The following AHCYL2 variants were observed in gnomAD, a reference collection of about 807,000 sequenced individuals.
AHCYL2 encodes the protein adenosylhomocysteinase like 2, also known as S-adenosylhomocysteine hydrolase-like protein 2.
A neutral mutation model predicts 81.4 loss-of-function variants in AHCYL2; 28 were observed. The ratio of observed to expected loss-of-function variants is 0.34; its 90% confidence interval spans 0.25 to 0.47. The LOEUF (loss-of-function observed/expected upper bound fraction) is 0.47. Ranked by LOEUF, AHCYL2 falls within the 20% of genes least tolerant of loss-of-function variation. The probability of loss-of-function intolerance (pLI) is 1.00; values close to 1 mark genes in which losing one functional copy is unlikely to be tolerated. For synonymous variants in AHCYL2, 272 were observed against 290.2 expected, an observed-to-expected ratio of 0.94 and a Z score of 0.64; for missense variants, 551 against 785.1, an observed-to-expected ratio of 0.70 and a Z score of 3.56.
chr7:129,352,291 T>G (rs1563208001), intron 1 of AHCYL2, among the ~76,000 whole-genome samples: 1 of 152,196 alleles, frequency 6.6e-6, no homozygotes. Context: ...GTATTTGTTG[T>G]CAATGATAAA....
intron 1 of AHCYL2, among the ~76,000 whole-genome samples, chr7:129,297,630 T>G (rs1022782072): frequency 2.0e-5 from 3 of 152,218 alleles, no homozygotes; most frequent in Non-Finnish European, 4.4e-5. Flanking sequence ...AAAGTAACTT[T>G]TTTCTTGTTT....
intron 1 of AHCYL2, among the ~76,000 whole-genome samples, chr7:129,246,411 T>C (rs1018834440): frequency 6.6e-6 from 1 of 152,214 alleles, no homozygotes; most frequent in African/African-American, 2.4e-5. Flanking sequence ...AACATTTTCA[T>C]TTCCCCCAGA....
At chr7:129,229,424 G>A (rs768446683) in intron 1 of AHCYL2, among the ~76,000 whole-genome samples, 3 of 152,162 alleles carry the variant, frequency 2.0e-5, no homozygotes, top group African/African-American at 4.8e-5. Context: ...TGAGATGTAG[G>A]TGGCATTATT....
chr7:129,241,148 G>T (rs956383099), intron 1 of AHCYL2, among the ~76,000 whole-genome samples: 7 of 152,174 alleles, frequency 4.6e-5, no homozygotes, highest in African/African-American at 1.7e-4. Flanking sequence ...CAGCATGTTT[G>T]TGTGTGTAAA....
At chr7:129,369,229 A>AC (rs1794254460) in intron 1 of AHCYL2, among the ~76,000 whole-genome samples, 1 of 150,112 alleles carries the variant, frequency 6.7e-6, no homozygotes, top group Non-Finnish European at 1.5e-5. Flanking sequence ...AAAGACAATA[A>AC]CCATCCTTAT....
At chr7:129,402,855 A>G (rs1349336601) in intron 6 of AHCYL2, among the ~76,000 whole-genome samples, 1 of 152,190 alleles carries the variant, frequency 6.6e-6, no homozygotes, top group Non-Finnish European at 1.5e-5. Context: ...TGGGAGAAGA[A>G]AAGGATTAAG....
At chr7:129,282,904 T>A (rs1410078688) in intron 1 of AHCYL2, among the ~76,000 whole-genome samples, 1 of 152,140 alleles carries the variant, frequency 6.6e-6, no homozygotes, top group African/African-American at 2.4e-5. Flanking sequence ...AGAGCAGTTT[T>A]CCATCTAGGG....
chr7:129,296,801 G>A (rs1797064088), intron 1 of AHCYL2, among the ~76,000 whole-genome samples: 1 of 152,104 alleles, frequency 6.6e-6, no homozygotes, highest in Non-Finnish European at 1.5e-5. Context: ...AAATGGAAAG[G>A]TTAGGATGCT....
At chr7:129,230,418 G>C (rs912333420) in intron 1 of AHCYL2, among the ~76,000 whole-genome samples, 1 of 151,926 alleles carries the variant, frequency 6.6e-6, no homozygotes, top group Non-Finnish European at 1.5e-5. Flanking sequence ...GATAGCTAGT[G>C]TTCTCCTTGT....
At chr7:129,252,646 A>T (rs930878047) in intron 1 of AHCYL2, among the ~76,000 whole-genome samples, 1 of 152,204 alleles carries the variant, frequency 6.6e-6, no homozygotes, top group Non-Finnish European at 1.5e-5. Flanking sequence ...ACATGCCTGT[A>T]ATCCCAGCCA....
At chr7:129,398,840 A>T (rs1214906981) in intron 5 of AHCYL2, among the ~76,000 whole-genome samples, 1 of 152,152 alleles carries the variant, frequency 6.6e-6, no homozygotes, top group Non-Finnish European at 1.5e-5. Flanking sequence ...GCCATGACAG[A>T]TTATAAATCC....
At position 129,410,235 on chromosome 7, in the gene AHCYL2, C is replaced by G. The variant is rs1325428394; in HGVS notation, c.1366+689C>G. On this transcript the variant is annotated intron_variant, in intron 11 of 16. Coordinates refer to ENST00000325006, the MANE Select transcript of AHCYL2 (RefSeq NM_015328.4). ...GGATCACTGCTAAGCCCAATGGCTC[C>G]TTCTCCATCACTGCCTCCTACAACT... 1.9e-6 allele frequency: 3 copies of G among 1,613,816 alleles called. No individual in the cohort carries two copies. The African/African-American group carries it at 4.0e-5, about 22-fold the overall frequency.
At position 129,254,323 on chromosome 7, in the gene AHCYL2, CATTATTAT is replaced by C. The variant is rs548893774; in HGVS notation, c.363+28885_363+28892del. Among the ~76,000 whole-genome samples the C allele has an allele frequency of 7.4e-4, 112 of 152,270 alleles. 1 individual carries two copies. Among genetic ancestry groups the C allele is most frequent in the African/African-American group, 2.6e-3 (109 of 41,564 alleles). ...AGAAGAAAAGGTATTAGCAAAATTA[CATTATTAT>C]CCTACAACAACATAATTTTACCTTT... On this transcript the variant is annotated intron_variant, in intron 1 of 16. Transcript: ENST00000325006.
chr7:129,267,230 G>GGT (rs769745702), intron 1 of AHCYL2, among the ~76,000 whole-genome samples: 734 of 59,190 alleles, frequency 0.012, 6 homozygotes, highest in African/African-American at 0.026. Context: ...TCACTCAAGG[G>GGT]GTGTGTGTGT....
intron 1 of AHCYL2, among the ~76,000 whole-genome samples, chr7:129,279,248 T>G (rs1245595328): frequency 6.6e-6 from 1 of 151,906 alleles, no homozygotes; most frequent in Non-Finnish European, 1.5e-5. Context: ...TTGGTAGTTT[T>G]TTTTTTTTTT....
chr7:129,405,717 G>C, intron 8 of AHCYL2, 119 bp from the exon 9 acceptor site: 1 of 869,860 alleles, frequency 1.1e-6, no homozygotes, highest in Non-Finnish European at 1.7e-6. Flanking sequence ...AAAGAAACCA[G>C]ACTTTCTTTC....
intron 1 of AHCYL2, among the ~76,000 whole-genome samples, chr7:129,343,040 A>T (rs1793240824): frequency 6.6e-6 from 1 of 152,176 alleles, no homozygotes; most frequent in Admixed American, 6.5e-5. Context: ...TAAATTCCAA[A>T]TACCTGTTTT....
chr7:129,309,817 G>A lies in AHCYL2; in HGVS notation c.364-69821G>A, dbSNP rs114511922. On this transcript the variant is annotated intron_variant, in intron 1 of 16. Coordinates refer to ENST00000325006, the MANE Select transcript of AHCYL2 (RefSeq NM_015328.4). ...TCACCATTTTTTTTTTTAATTTTAC[G>A]TTGGTTGGTTCCCTTTGCCTTTTCC... Among the ~76,000 whole-genome samples the A allele has an allele frequency of 5.6e-3, 837 of 150,624 alleles. 13 individuals are homozygous for A. The highest frequency in any genetic ancestry group is 0.019 in the African/African-American group (797 of 40,914).
rs113657290 is a variant in AHCYL2, at chr7:129,268,536, G to A, written c.363+43097G>A. Reference sequence around the variant, plus strand: ...CTAATTTTTGTATTTTTATAGTAGAGATGAGGTTTCACTATGTAGGCCAGG... The same window carrying A: ...CTAATTTTTGTATTTTTATAGTAGAAATGAGGTTTCACTATGTAGGCCAGG... On this transcript the variant is annotated intron_variant, in intron 1 of 16. Coordinates refer to ENST00000325006, the MANE Select transcript of AHCYL2 (RefSeq NM_015328.4). 6.5e-3 allele frequency among the ~76,000 whole-genome samples: 993 copies of A among 152,156 alleles called. 11 individuals carry two copies. The highest frequency in any genetic ancestry group is 0.023 in the African/African-American group (942 of 41,488).
Sources: gnomAD v4.1 joint callset for allele counts (sites outside exome capture counted in the v4.1 genomes callset) on GRCh38, gnomAD v4.1.1 for gene constraint, MANE v1.5 for transcripts, NCBI Gene and HGNC (gene_info 2026-07-23, HGNC 2026-07-21) for gene names.